The following DISP1 variants were observed in gnomAD, a reference collection of about 807,000 sequenced individuals.
DISP1 encodes dispatched RND transporter family member 1.
In DISP1, 30 loss-of-function variants were observed where a neutral mutation model predicts 37.3. The ratio of observed to expected loss-of-function variants is 0.80; its 90% CI spans 0.60 to 1.09. DISP1 has a LOEUF of 1.09. Ranked by LOEUF, DISP1 falls within the 50% of genes least tolerant of loss-of-function variation. The probability of loss-of-function intolerance (pLI) is 0.00; values close to 1 mark genes in which losing one functional copy is unlikely to be tolerated. For synonymous variants in DISP1, 634 were observed against 690.2 expected (o/e 0.92, Z 1.28); for missense variants, 1,598 against 1,879.5 (o/e 0.85, Z 2.77).
intron 4 of DISP1, chr1:222,989,367 C>T (rs1218514742): frequency 1.0e-6 from 1 of 985,198 alleles, no homozygotes; most frequent in Non-Finnish European, 1.2e-6. Context: ...TTCAAGAAGC[C>T]AGAAGTTTGC....
intron 7 of DISP1, 33 bp downstream of exon 7, chr1:222,992,143 GCAGTTTGCTCGCATTTA>G: frequency 6.6e-7 from 1 of 1,518,822 alleles, no homozygotes; most frequent in Non-Finnish European, 9.1e-7. Context: ...AAACCACTCA[GCAGTTTGCTCGCATTTA>G]AAATTGAACA....
intron 1 of DISP1, among the ~76,000 whole-genome samples, chr1:222,823,352 G>A (rs1663437458): frequency 6.6e-6 from 1 of 152,128 alleles, no homozygotes; most frequent in Non-Finnish European, 1.5e-5. Flanking sequence ...ATACTGTGCA[G>A]CTTAAAAAAG....
intron 1 of DISP1, among the ~76,000 whole-genome samples, chr1:222,853,818 T>C (rs34682656): frequency 0.2 from 29,993 of 152,110 alleles, 3,561 homozygotes; most frequent in Non-Finnish European, 0.26. Context: ...TAAGGTCTAG[T>C]GTTCTATATC....
chr1:222,864,008 G>A (rs1307022194), intron 1 of DISP1, among the ~76,000 whole-genome samples: 1 of 152,150 alleles, frequency 6.6e-6, no homozygotes, highest in East Asian at 1.9e-4. Context: ...TGCTGAGTGT[G>A]CTCATTGCTA....
chr1:222,830,370 GTCCT>G (rs989073917), intron 1 of DISP1, among the ~76,000 whole-genome samples: 3 of 148,596 alleles, frequency 2.0e-5, no homozygotes, highest in Admixed American at 6.7e-5. Flanking sequence ...TCTTCCTTCC[GTCCT>G]TCCTTCCACC....
At chr1:222,912,833 G>A (rs1672282595) in intron 1 of DISP1, among the ~76,000 whole-genome samples, 1 of 152,110 alleles carries the variant, frequency 6.6e-6, no homozygotes, top group African/African-American at 2.4e-5. Flanking sequence ...GTTATTTGAG[G>A]TTTCACTAAA....
At chr1:222,943,433 C>A in intron 3 of DISP1, 101 bp downstream of exon 3, 1 of 1,527,038 alleles carries the variant, frequency 6.5e-7, no homozygotes, top group Non-Finnish European at 9.0e-7. Flanking sequence ...AAATGAGGCA[C>A]AGAAAGAAAA....
At chr1:222,983,487 C>T (rs888319722) in intron 4 of DISP1, among the ~76,000 whole-genome samples, 2 of 152,008 alleles carry the variant, frequency 1.3e-5, no homozygotes, top group Admixed American at 6.6e-5. Context: ...CGTGGAGGCA[C>T]GTGCCTTTAG....
chr1:223,005,961 A>T lies in DISP1; in HGVS notation c.4564A>T (p.Lys1522Ter), dbSNP rs751806386. 1 of 1,612,518 alleles carries T rather than the reference A, an allele frequency of 6.2e-7. No homozygotes were observed. The highest frequency in any genetic ancestry group is 8.5e-7 in the Non-Finnish European group (1 of 1,179,132). The stretch of plus-strand genomic sequence containing the variant: ...ACTTTCTGGTGAAAGTTTGTTAATA[A>T]AAACACTATAATAAATGCAGCATTC... ...SELSGESLLI[K>*]TL is the part of the protein sequence containing the mutation. Residue 1522 changes from lysine to a stop codon, truncating the protein, a stop_gained, in exon 9 of 9, where the codon AAA becomes TAA. Transcript: ENST00000675850. LOFTEE classifies it high-confidence loss of function.
intron 1 of DISP1, among the ~76,000 whole-genome samples, chr1:222,878,453 AT>A (rs1670093696): frequency 1.3e-5 from 2 of 151,352 alleles, no homozygotes; most frequent in Admixed American, 6.5e-5. Flanking sequence ...ACTGGAATCT[AT>A]TTAGAATACT....
chr1:222,834,953 A>G (rs2125261224), intron 1 of DISP1, among the ~76,000 whole-genome samples: 1 of 152,328 alleles, frequency 6.6e-6, no homozygotes, highest in East Asian at 1.9e-4. Context: ...GCATTCAGTT[A>G]ATGGTGGGTA....
rs561696449 is a variant in DISP1 at position 222,889,894 on chromosome 1, T to G, written c.-158-38536T>G. 7.9e-5 allele frequency among the ~76,000 whole-genome samples: 12 copies of G among 152,310 alleles called. No homozygotes were observed. The South Asian group carries it at 2.3e-3, about 29-fold the overall frequency. On this transcript the variant is annotated intron_variant, in intron 1 of 8. Transcript: ENST00000675850. ...ATTTAAATCATTTTGAAACCAGTCA[T>G]AGCTTAGAGCTGTGCCTTTCAAGCT...
At chr1:222,870,313 G>A (rs1254268568) in intron 1 of DISP1, among the ~76,000 whole-genome samples, 2 of 152,180 alleles carry the variant, frequency 1.3e-5, no homozygotes, top group Non-Finnish European at 2.9e-5. Context: ...CCAGTAATGG[G>A]ATGGCTGGGT....
chr1:222,920,361 A>G (rs1424344897), intron 1 of DISP1, among the ~76,000 whole-genome samples: 1 of 152,146 alleles, frequency 6.6e-6, no homozygotes, highest in Non-Finnish European at 1.5e-5. Context: ...TATTTTGGAA[A>G]CTCTCCAGAG....
At chr1:222,917,278 G>T (rs1672547030) in intron 1 of DISP1, among the ~76,000 whole-genome samples, 1 of 152,132 alleles carries the variant, frequency 6.6e-6, no homozygotes, top group Non-Finnish European at 1.5e-5. Flanking sequence ...TAGTAACTGT[G>T]GCAAACTGCG....
chr1:222,962,057 C>G (rs911794938), intron 3 of DISP1, among the ~76,000 whole-genome samples: 2 of 151,910 alleles, frequency 1.3e-5, no homozygotes, highest in African/African-American at 4.8e-5. Context: ...TCCAAAAACT[C>G]CTTAAACTGA....
intron 3 of DISP1, among the ~76,000 whole-genome samples, chr1:222,964,923 C>T (rs535637726): frequency 1.3e-5 from 2 of 152,272 alleles, no homozygotes; most frequent in Admixed American, 6.5e-5. Flanking sequence ...AAAATGGAAA[C>T]GGTGCAGATT....
chr1:222,943,161 C>A lies in DISP1; in HGVS notation c.338C>A (p.Ala113Asp). ...EAGPAAPSALASCCMQPHSEY... is the reference protein window; with the variant it reads ...EAGPAAPSALDSCCMQPHSEY... ...GGCCCTGCAGCACCCTCTGCTTTGG[C>A]CTCGTGTTGCATGCAGCCACACTCC... is the stretch of plus-strand genomic sequence containing the variant. Residue 113 changes from alanine (A) to aspartate (D), a missense_variant, in exon 3 of 9, where the codon GCC becomes GAC. Coordinates refer to ENST00000675850, the MANE Select transcript of DISP1 (RefSeq NM_001377229.1). 1.2e-6 allele frequency: 2 copies of A among 1,611,978 alleles called. No homozygotes were observed. Among genetic ancestry groups the A allele is most frequent in the Non-Finnish European group, 1.7e-6 (2 of 1,178,106 alleles).
At chr1:222,949,177 T>C (rs1391687665) in intron 3 of DISP1, among the ~76,000 whole-genome samples, 2 of 152,176 alleles carry the variant, frequency 1.3e-5, no homozygotes, top group Non-Finnish European at 2.9e-5. Flanking sequence ...GCCAATCACT[T>C]GAGGTCAGGA....
Sources: gnomAD v4.1 joint callset for allele counts (sites outside exome capture counted in the v4.1 genomes callset) on GRCh38, gnomAD v4.1.1 for gene constraint, MANE v1.5 for transcripts, NCBI Gene and HGNC (gene_info 2026-07-23, HGNC 2026-07-21) for gene names.